CCDC93: variants seen among roughly 807,000 people sequenced by gnomAD.
The protein encoded by CCDC93 is coiled-coil domain-containing protein 93.
In CCDC93, 61 loss-of-function variants were observed where a neutral mutation model predicts 108.2. The observed-to-expected ratio is 0.56, with a 90% CI of 0.46 to 0.70. The LOEUF is 0.70. Ranked by LOEUF, CCDC93 falls within the 30% of genes least tolerant of loss-of-function variation. The pLI is 0.00. For synonymous variants in CCDC93, 276 were observed against 260.4 expected (o/e 1.06, Z -0.58); for missense variants, 685 against 764.2 (o/e 0.90, Z 1.22).
At chr2:117,939,989 G>A (rs1678647937) in intron 19 of CCDC93, among the ~76,000 whole-genome samples, 1 of 152,122 alleles carries the variant, frequency 6.6e-6, no homozygotes, top group Non-Finnish European at 1.5e-5. Context: ...GAAGTTGCAG[G>A]GAGCCTAAGT....
At chr2:117,954,042 C>G (rs967632198) in intron 12 of CCDC93, among the ~76,000 whole-genome samples, 1 of 152,144 alleles carries the variant, frequency 6.6e-6, no homozygotes, top group African/African-American at 2.4e-5. Context: ...GAACTGTAAG[C>G]AACAAATTAC....
At chr2:117,991,746 A>C (rs1039251005) in intron 6 of CCDC93, among the ~76,000 whole-genome samples, 1 of 152,214 alleles carries the variant, frequency 6.6e-6, no homozygotes, top group Non-Finnish European at 1.5e-5. Flanking sequence ...AGGCATCTAC[A>C]TGTCTGACCT....
intron 23 of CCDC93, among the ~76,000 whole-genome samples, chr2:117,922,713 A>G (rs1677912782): frequency 6.6e-6 from 1 of 152,232 alleles, no homozygotes. Context: ...TTCAGAACGC[A>G]GAAGTAGAGG....
At chr2:117,947,420 A>C (rs546529635) in intron 15 of CCDC93, among the ~76,000 whole-genome samples, 3 of 152,206 alleles carry the variant, frequency 2.0e-5, no homozygotes, top group African/African-American at 7.2e-5. Flanking sequence ...CACCCCCACG[A>C]CTAGACTACA....
chr2:117,925,831 C>T (rs1678068202), intron 23 of CCDC93, among the ~76,000 whole-genome samples: 1 of 152,216 alleles, frequency 6.6e-6, no homozygotes, highest in Admixed American at 6.5e-5. Flanking sequence ...CTCAGCACCA[C>T]ACCACACCTA....
chr2:117,984,955 C>T (rs901702038), intron 7 of CCDC93, among the ~76,000 whole-genome samples: 1 of 152,130 alleles, frequency 6.6e-6, no homozygotes, highest in African/African-American at 2.4e-5. Flanking sequence ...TTAATAACTG[C>T]TAACAAGTTA....
At chr2:117,931,239 G>T in intron 22 of CCDC93, 89 bp from the exon 23 acceptor site, 1 of 820,546 alleles carries the variant, frequency 1.2e-6, no homozygotes, top group Non-Finnish European at 2.0e-6. Flanking sequence ...GTTGTTAACA[G>T]TTTCATGGAT....
chr2:117,923,844 C>A (rs1677978239), intron 23 of CCDC93, among the ~76,000 whole-genome samples: 1 of 152,166 alleles, frequency 6.6e-6, no homozygotes, highest in African/African-American at 2.4e-5. Flanking sequence ...CATGTGGTCC[C>A]TGACCCCCGA....
chr2:117,967,161 T>C (rs1489623928), intron 11 of CCDC93, among the ~76,000 whole-genome samples: 9 of 152,140 alleles, frequency 5.9e-5, no homozygotes, highest in Non-Finnish European at 1.2e-4. Context: ...ACCCAGCTAA[T>C]TTTTGTATTT....
chr2:117,945,188 T>C (rs1678827744), intron 17 of CCDC93, among the ~76,000 whole-genome samples: 1 of 152,182 alleles, frequency 6.6e-6, no homozygotes, highest in Admixed American at 6.5e-5. Context: ...GGTTTTCCCC[T>C]CTGTACCACC....
chr2:117,986,150 G>C, intron 6 of CCDC93, 81 bp from the exon 7 acceptor site: 2 of 621,534 alleles, frequency 3.2e-6, no homozygotes, highest in Non-Finnish European at 5.6e-6. Flanking sequence ...CCAGCCATGG[G>C]GTATATTCTC....
At chr2:117,939,224 A>G in intron 19 of CCDC93, 113 bp from the exon 20 acceptor site, 1 of 639,492 alleles carries the variant, frequency 1.6e-6, no homozygotes, top group Non-Finnish European at 2.8e-6. Context: ...CTGGGAGCTC[A>G]CTCTGCAGAA....
At chr2:117,980,410 G>A (rs555289715) in intron 7 of CCDC93, among the ~76,000 whole-genome samples, 2 of 152,250 alleles carry the variant, frequency 1.3e-5, no homozygotes, top group South Asian at 2.1e-4. Flanking sequence ...AAGACATAAA[G>A]CCCTTTATCT....
intron 11 of CCDC93, 45 bp from the exon 12 acceptor site, chr2:117,958,526 A>T: frequency 2.6e-6 from 3 of 1,142,206 alleles, no homozygotes; most frequent in Non-Finnish European, 4.0e-6. Context: ...TAGTTAGTTG[A>T]CCTTGGTTCA....
intron 11 of CCDC93, 85 bp downstream of exon 11, chr2:117,973,823 T>G (rs1679844151): frequency 2.0e-6 from 2 of 1,024,778 alleles, no homozygotes; most frequent in Non-Finnish European, 3.0e-6. Flanking sequence ...CACGGGGCAC[T>G]GCTGGGGTAG....
intron 13 of CCDC93, chr2:117,950,174 C>A (rs533005952): frequency 2.0e-6 from 2 of 985,292 alleles, no homozygotes; most frequent in Admixed American, 1.2e-4. Context: ...TGCATGGATC[C>A]ACAGAGGTGG....
intron 14 of CCDC93, 30 bp from the exon 15 acceptor site, chr2:117,948,216 T>G (rs751379105): frequency 6.6e-7 from 1 of 1,512,342 alleles, no homozygotes; most frequent in Non-Finnish European, 9.1e-7. Context: ...AAATGACATA[T>G]GGCAGGCCAT....
intron 2 of CCDC93, 98 bp from the exon 3 acceptor site, chr2:118,006,914 A>G (rs1676886690): frequency 1.4e-6 from 1 of 698,488 alleles, no homozygotes; most frequent in Admixed American, 2.5e-5. Context: ...TAATAGACTC[A>G]GTAAACATAC....
At chr2:117,960,340 G>A (rs1441966787) in intron 11 of CCDC93, among the ~76,000 whole-genome samples, 2 of 152,304 alleles carry the variant, frequency 1.3e-5, no homozygotes, top group South Asian at 2.1e-4. Context: ...AGACTGAGAC[G>A]TGGGCAGGCA....
Sources: gnomAD v4.1 joint callset for allele counts (sites outside exome capture counted in the v4.1 genomes callset) on GRCh38, gnomAD v4.1.1 for gene constraint, MANE v1.5 for transcripts, NCBI Gene and HGNC (gene_info 2026-07-23, HGNC 2026-07-21) for gene names.